EPHB1: variants seen among roughly 807,000 people sequenced by gnomAD.
EPHB1 encodes ephrin type-B receptor 1.
In EPHB1, 30 loss-of-function variants were observed where a neutral mutation model predicts 94.4. The ratio of observed to expected loss-of-function variants is 0.32; its 90% CI spans 0.24 to 0.43. The LOEUF (loss-of-function observed/expected upper bound fraction) is 0.43. EPHB1 is among the 20% of genes least tolerant of loss of function. The pLI is 1.00. For missense variants in EPHB1, 1,055 were observed against 1,308.3 expected (o/e 0.81, Z 2.99); for synonymous variants, 522 against 489.1 (o/e 1.07, Z -0.89).
chr3:135,241,201 G>C lies in EPHB1; in HGVS notation c.2400G>C (p.Lys800Asn). 6.2e-7 allele frequency: 1 copy of C among 1,614,208 alleles called. No homozygotes were observed. Reference protein sequence around the residue: ...WTAPEAIAYRKFTSASDVWSY... With the variant: ...WTAPEAIAYRNFTSASDVWSY... Reference sequence around the variant, plus strand: ...CTCCAGAGGCCATCGCCTACCGCAAGTTCACTTCAGCCAGCGACGTTTGGA... The same window carrying C: ...CTCCAGAGGCCATCGCCTACCGCAACTTCACTTCAGCCAGCGACGTTTGGA... The change falls in exon 13 of 16, where the codon AAG becomes AAC. Residue 800 changes from lysine to asparagine, a missense_variant. By Grantham distance (94) the Lys-to-Asn change is moderately conservative (BLOSUM62 0). Transcript: ENST00000398015.
At chr3:134,857,609 T>C (rs544323800) in intron 1 of EPHB1, among the ~76,000 whole-genome samples, 1 of 152,130 alleles carries the variant, frequency 6.6e-6, no homozygotes, top group South Asian at 2.1e-4. Context: ...GTGAAGGTGG[T>C]TACTCACGGG....
chr3:135,228,335 C>T (rs1943449639), intron 12 of EPHB1, among the ~76,000 whole-genome samples: 1 of 152,102 alleles, frequency 6.6e-6, no homozygotes, highest in Non-Finnish European at 1.5e-5. Context: ...TATGTGTTGC[C>T]TAAGTGACAG....
chr3:134,826,251 C>CAAAAAAAAAA (rs34084951), intron 1 of EPHB1, among the ~76,000 whole-genome samples: 7 of 119,010 alleles, frequency 5.9e-5, no homozygotes, highest in African/African-American at 2.1e-4. Flanking sequence ...GACTCCATCT[C>CAAAAAAAAAA]AAAAAAAAAA....
intron 12 of EPHB1, 116 bp downstream of exon 12, chr3:135,201,805 C>T: frequency 1.0e-6 from 1 of 993,286 alleles, no homozygotes; most frequent in Non-Finnish European, 1.5e-6. Flanking sequence ...ACTGAGCTCT[C>T]CACTGAAAGA....
At chr3:135,183,097 CCTTT>C (rs1942223113) in intron 10 of EPHB1, among the ~76,000 whole-genome samples, 1 of 133,992 alleles carries the variant, frequency 7.5e-6, no homozygotes, top group Non-Finnish European at 1.6e-5. Context: ...TCTCTCTCTT[CCTTT>C]CTTTCTTCTT....
At chr3:135,205,609 AT>A (rs1942880764) in intron 12 of EPHB1, among the ~76,000 whole-genome samples, 1 of 152,122 alleles carries the variant, frequency 6.6e-6, no homozygotes, top group South Asian at 2.1e-4. Context: ...TTTTTCCCAC[AT>A]TTTATTTTGA....
chr3:135,237,543 G>A (rs966650881), intron 12 of EPHB1, among the ~76,000 whole-genome samples: 3 of 151,692 alleles, frequency 2.0e-5, no homozygotes, highest in Non-Finnish European at 2.9e-5. Context: ...TGACCCCTGC[G>A]GCAGCTCTAG....
At chr3:134,965,435 C>T (rs1026522338) in intron 3 of EPHB1, among the ~76,000 whole-genome samples, 1 of 152,142 alleles carries the variant, frequency 6.6e-6, no homozygotes, top group African/African-American at 2.4e-5. Context: ...CGAGGTGGCT[C>T]ATGCCTGTAG....
At chr3:134,882,784 T>TTCTTTCTTTCTTTCTG (rs2037775139) in intron 1 of EPHB1, among the ~76,000 whole-genome samples, 1 of 65,718 alleles carries the variant, frequency 1.5e-5, no homozygotes, top group Admixed American at 1.7e-4. Context: ...CTTTCTTTCT[T>TTCTTTCTTTCTTTCTG]TCTTTCTTTC....
intron 3 of EPHB1, among the ~76,000 whole-genome samples, chr3:135,100,843 T>G (rs976935218): frequency 1.3e-5 from 2 of 152,150 alleles, no homozygotes; most frequent in Non-Finnish European, 2.9e-5. Flanking sequence ...GAGGCAAATG[T>G]GTGTTTTGTC....
chr3:135,026,529 T>C (rs1378002733), intron 3 of EPHB1, among the ~76,000 whole-genome samples: 1 of 145,588 alleles, frequency 6.9e-6, no homozygotes, highest in Non-Finnish European at 1.5e-5. Context: ...GTTGTAGATA[T>C]GCGGCGTTAT....
At chr3:135,214,685 A>G (rs565274770) in intron 12 of EPHB1, among the ~76,000 whole-genome samples, 1 of 152,254 alleles carries the variant, frequency 6.6e-6, no homozygotes, top group South Asian at 2.1e-4. Flanking sequence ...TGCAGCCTCC[A>G]TCCTCGCTGT....
Position 135,123,493 on chromosome 3 carries a change from C to T in EPHB1, c.962-9221C>T, listed in dbSNP as rs1229559360. 2.0e-5 allele frequency among the ~76,000 whole-genome samples: 3 copies of T among 152,070 alleles called. No homozygotes were observed. In the East Asian group the frequency reaches 5.8e-4, roughly 29 times the overall value. On this transcript the variant is annotated intron_variant, in intron 4 of 15. Transcript: ENST00000398015. ...AAGGACCCAAAATTGGTCATTTGGG[C>T]AGTGATATGAACAAGTTTCATCAAG... is the stretch of plus-strand genomic sequence containing the variant.
intron 1 of EPHB1, among the ~76,000 whole-genome samples, chr3:134,896,804 G>C (rs888130226): frequency 6.6e-6 from 1 of 152,244 alleles, no homozygotes; most frequent in African/African-American, 2.4e-5. Flanking sequence ...TCTGTATGCC[G>C]ACTGCGGCTA....
chr3:134,882,765 CCTTT>C (rs1553861896), intron 1 of EPHB1, among the ~76,000 whole-genome samples: 8 of 79,882 alleles, frequency 1.0e-4, no homozygotes, highest in African/African-American at 3.6e-4. Flanking sequence ...TTCCTTCCTT[CCTTT>C]CTTTCTTTCT....
rs756194825 is a variant in EPHB1 at position 134,925,820 on chromosome 3, G to A, written c.63G>A (p.Thr21=). 32 of 1,597,288 alleles carry A rather than the reference G, an allele frequency of 2.0e-5. No homozygotes were observed. Among genetic ancestry groups the A allele is most frequent in the South Asian group, 1.2e-4 (11 of 88,116 alleles). ...TTTTTTCTTTTTAATCTACAGAAACGTTAATGGACACCAGAACGGCTACTG... is the reference window on the plus strand; with the variant it reads ...TTTTTTCTTTTTAATCTACAGAAACATTAATGGACACCAGAACGGCTACTG... The part of the protein sequence containing the change: ...LASAVAAMEE[T]LMDTRTATAE... Residue 21 remains threonine, a synonymous_variant, in exon 2 of 16, where the codon ACG becomes ACA. Transcript: ENST00000398015.
rs569975833 is a variant in EPHB1 at position 135,154,716 on chromosome 3, T to C, written c.1422+440T>C. Among the ~76,000 whole-genome samples, 224 of 152,290 alleles carry C rather than the reference T, an allele frequency of 1.5e-3. 1 individual carries two copies. Among genetic ancestry groups the C allele is most frequent in the African/African-American group, 5.1e-3 (212 of 41,554 alleles). On this transcript the variant is annotated intron_variant, in intron 6 of 15. Transcript: ENST00000398015. ...ATATGCATGTACTACTGCACTAATATATTTGTGGAGGATAAAAAAACATGT... is the reference window on the plus strand; with the variant it reads ...ATATGCATGTACTACTGCACTAATACATTTGTGGAGGATAAAAAAACATGT...
At chr3:134,864,987 A>G (rs2037342729) in intron 1 of EPHB1, among the ~76,000 whole-genome samples, 2 of 152,190 alleles carry the variant, frequency 1.3e-5, no homozygotes, top group South Asian at 4.1e-4. Flanking sequence ...GAATTTCTAC[A>G]GTTTTCCTCA....
intron 3 of EPHB1, among the ~76,000 whole-genome samples, chr3:135,009,051 A>G (rs1247708892): frequency 6.6e-6 from 1 of 152,172 alleles, no homozygotes; most frequent in African/African-American, 2.4e-5. Context: ...GTTGCCTGGA[A>G]GGAAAGGAAC....
Sources: gnomAD v4.1 joint callset for allele counts (sites outside exome capture counted in the v4.1 genomes callset) on GRCh38, gnomAD v4.1.1 for gene constraint, MANE v1.5 for transcripts, NCBI Gene and HGNC (gene_info 2026-07-23, HGNC 2026-07-21) for gene names.